The following RBFOX1 variants were observed in gnomAD, a reference collection of about 807,000 sequenced individuals.
RBFOX1 encodes RNA binding fox-1 homolog 1.
In RBFOX1, 8 loss-of-function variants were observed where a neutral mutation model predicts 57.7. The ratio of observed to expected loss-of-function variants is 0.14; its 90% CI spans 0.08 to 0.25. The LOEUF is 0.25. RBFOX1 is among the 10% of genes least tolerant of loss of function. The pLI is 1.00. For synonymous variants in RBFOX1, 326 were observed against 222.4 expected, an observed-to-expected ratio of 1.47 and a Z score of -4.15; for missense variants, 611 against 548.5, an observed-to-expected ratio of 1.11 and a Z score of -1.14.
chr16:6,213,689 A>C (rs1410947614), intron 1 of RBFOX1, among the ~76,000 whole-genome samples: 1 of 152,204 alleles, frequency 6.6e-6, no homozygotes, highest in Non-Finnish European at 1.5e-5. Context: ...TGGATGGTTT[A>C]AATCATTCTG....
intron 3 of RBFOX1, among the ~76,000 whole-genome samples, chr16:5,680,046 G>T (rs1410453959): frequency 6.6e-6 from 1 of 152,204 alleles, no homozygotes; most frequent in African/African-American, 2.4e-5. Flanking sequence ...GGAAATGGCT[G>T]TTAGAGTTGG....
intron 4 of RBFOX1, among the ~76,000 whole-genome samples, chr16:7,187,590 G>C (rs766551507): frequency 2.0e-5 from 3 of 149,666 alleles, no homozygotes; most frequent in Non-Finnish European, 4.4e-5. Context: ...TCGGGAGGTT[G>C]AGGCAGGAGA....
chr16:7,176,182 G>A (rs191062365), intron 4 of RBFOX1, among the ~76,000 whole-genome samples: 55 of 120,512 alleles, frequency 4.6e-4, no homozygotes, highest in African/African-American at 1.9e-3. Context: ...CCTTAACTGT[G>A]TTAGCTTTGG....
At chr16:6,711,542 GTGTT>G (rs1456890258) in intron 3 of RBFOX1, among the ~76,000 whole-genome samples, 1 of 152,180 alleles carries the variant, frequency 6.6e-6, no homozygotes, top group African/African-American at 2.4e-5. Context: ...TGGTTTAAAA[GTGTT>G]TGGCAGTTCT....
chr16:5,863,867 C>T (rs2057284200), intron 3 of RBFOX1, among the ~76,000 whole-genome samples: 1 of 152,122 alleles, frequency 6.6e-6, no homozygotes, highest in African/African-American at 2.4e-5. Context: ...AAAAAAATAG[C>T]CAACATTTCC....
At chr16:6,935,714 C>T (rs1311081130) in intron 3 of RBFOX1, among the ~76,000 whole-genome samples, 1 of 152,158 alleles carries the variant, frequency 6.6e-6, no homozygotes, top group East Asian at 1.9e-4. Context: ...ATCAGTGTGG[C>T]AGCTAAGCGA....
At chr16:7,646,236 G>A (rs1377319757) in intron 11 of RBFOX1, among the ~76,000 whole-genome samples, 1 of 152,310 alleles carries the variant, frequency 6.6e-6, no homozygotes. Flanking sequence ...ACGATGCCCT[G>A]CCTCGGAAAT....
chr16:6,396,291 T>C (rs1309201772), intron 2 of RBFOX1, among the ~76,000 whole-genome samples: 2 of 152,028 alleles, frequency 1.3e-5, no homozygotes, highest in South Asian at 2.1e-4. Context: ...TAAAATGAGA[T>C]GCATTTGATA....
chr16:6,002,436 T>G (rs554142555), intron 4 of RBFOX1, among the ~76,000 whole-genome samples: 2 of 152,336 alleles, frequency 1.3e-5, no homozygotes, highest in Non-Finnish European at 2.9e-5. Flanking sequence ...AGACTCACTT[T>G]CCACATGGCA....
intron 3 of RBFOX1, among the ~76,000 whole-genome samples, chr16:7,007,637 C>T (rs180877797): frequency 4.6e-5 from 7 of 152,238 alleles, no homozygotes; most frequent in East Asian, 1.9e-4. Flanking sequence ...TGTAAATGTA[C>T]GTTTCTACTC....
At chr16:6,862,171 G>T (rs2059137534) in intron 3 of RBFOX1, among the ~76,000 whole-genome samples, 1 of 152,176 alleles carries the variant, frequency 6.6e-6, no homozygotes, top group Non-Finnish European at 1.5e-5. Context: ...TGAAGGGCTT[G>T]CTGTGTGTGT....
intron 2 of RBFOX1, among the ~76,000 whole-genome samples, chr16:6,633,463 T>C (rs923878047): frequency 3.9e-5 from 6 of 152,036 alleles, no homozygotes; most frequent in East Asian, 3.9e-4. Context: ...TTTATTATTA[T>C]TATTTTTTTT....
intron 1 of RBFOX1, among the ~76,000 whole-genome samples, chr16:6,056,008 T>G (rs930229745): frequency 2.0e-5 from 3 of 152,190 alleles, no homozygotes; most frequent in Non-Finnish European, 4.4e-5. Context: ...TGTGATAGAA[T>G]TTGTTTCATT....
chr16:5,738,931 G>A (rs1287853912), intron 3 of RBFOX1, among the ~76,000 whole-genome samples: 1 of 152,104 alleles, frequency 6.6e-6, no homozygotes, highest in Non-Finnish European at 1.5e-5. Context: ...GCAAAATTGG[G>A]TCTACATGGA....
intron 3 of RBFOX1, among the ~76,000 whole-genome samples, chr16:6,745,722 A>G (rs772952986): frequency 6.6e-6 from 1 of 152,228 alleles, no homozygotes; most frequent in African/African-American, 2.4e-5. Context: ...GTTGCCCCCA[A>G]GATTGGGAAC....
chr16:6,655,227 A>C (rs1316633777), intron 3 of RBFOX1, among the ~76,000 whole-genome samples: 1 of 151,478 alleles, frequency 6.6e-6, no homozygotes, highest in Non-Finnish European at 1.5e-5. Context: ...TAGAAAAATT[A>C]GCCGGGTGTG....
chr16:5,742,793 A>G (rs2052823135), intron 3 of RBFOX1, among the ~76,000 whole-genome samples: 1 of 152,248 alleles, frequency 6.6e-6, no homozygotes, highest in African/African-American at 2.4e-5. Flanking sequence ...GTATTAGTCC[A>G]GAAATGGGAC....
chr16:5,968,887 T>C (rs72770965), intron 4 of RBFOX1, among the ~76,000 whole-genome samples: 24,396 of 152,110 alleles, frequency 0.16, 2,132 homozygotes, highest in East Asian at 0.31. Context: ...ATCTTCTTTT[T>C]ATTTATCTCT....
chr16:5,658,423 A>T (rs1264626850), intron 3 of RBFOX1, among the ~76,000 whole-genome samples: 2 of 152,106 alleles, frequency 1.3e-5, no homozygotes, highest in Non-Finnish European at 1.5e-5. Flanking sequence ...TCTAACTTTG[A>T]TCATCAGATT....
Sources: gnomAD v4.1 joint callset for allele counts (sites outside exome capture counted in the v4.1 genomes callset) on GRCh38, gnomAD v4.1.1 for gene constraint, MANE v1.5 for transcripts, NCBI Gene and HGNC (gene_info 2026-07-23, HGNC 2026-07-21) for gene names.